NBEAL2: variants seen among roughly 807,000 people sequenced by gnomAD.
The protein encoded by NBEAL2 is neurobeachin like 2.
A neutral mutation model predicts 299.8 loss-of-function variants in NBEAL2; 160 were observed. The ratio of observed to expected loss-of-function variants is 0.53; its 90% CI spans 0.47 to 0.61. NBEAL2 has a LOEUF of 0.61. Ranked by LOEUF, NBEAL2 falls within the 20% of genes least tolerant of loss-of-function variation. The pLI, the probability that NBEAL2 is intolerant of heterozygous loss-of-function variation, is 0.00. For missense variants in NBEAL2, 3,112 were observed against 3,649.0 expected (o/e 0.85, Z 3.79); for synonymous variants, 1,493 against 1,542.3 (o/e 0.97, Z 0.75).
rs771431474 is a variant in NBEAL2 at position 47,007,654 on chromosome 3, A to G, written c.7464A>G (p.Ala2488=). 40 of 1,611,058 alleles carry G rather than the reference A, an allele frequency of 2.5e-5. No homozygotes were observed. Among genetic ancestry groups the G allele is most frequent in the Non-Finnish European group, 3.1e-5 (36 of 1,178,902 alleles). The change falls in exon 48 of 54, where the codon GCA becomes GCG. Residue 2488 remains alanine (A), a synonymous_variant. Coordinates refer to ENST00000450053, the MANE Select transcript of NBEAL2 (RefSeq NM_015175.3). ...GGGATGGCAGCCTGCGGGTGACTGC[A>G]CTACCCCGTGGCAAGCTGTTGAGCC... is the stretch of plus-strand genomic sequence containing the variant. ...GHWDGSLRVT[A]LPRGKLLSQL... is the part of the protein sequence containing the mutation.
chr3:46,997,433 G>C lies in NBEAL2; in HGVS notation c.2824G>C (p.Glu942Gln). 1 of 1,607,656 alleles carries C rather than the reference G, an allele frequency of 6.2e-7. No individual in the cohort carries two copies. The highest frequency in any genetic ancestry group is 1.1e-5 in the South Asian group (1 of 90,980). Reference protein sequence around the residue: ...GLVLPLGKSSEERMERNAVAA... With the variant: ...GLVLPLGKSSQERMERNAVAA... The stretch of plus-strand genomic sequence containing the variant: ...GGTTCTCCCATTGGGTAAATCTTCA[G>C]GTAAGTGTTCCTGGTGCCTATGTTG... The change falls in exon 19 of 54, where the codon GAG (glutamate) becomes CAG (glutamine). Residue 942 changes from glutamate to glutamine, a missense_variant and splice_region_variant. This residue lies in a region of NBEAL2 where 2,243 missense variants were observed against 2,538.1 expected (regional missense o/e 0.88). Coordinates refer to ENST00000450053, the MANE Select transcript of NBEAL2 (RefSeq NM_015175.3).
intron 1 of NBEAL2, chr3:46,987,854 CCT>C (rs1012882611): frequency 1.8e-5 from 5 of 275,702 alleles, no homozygotes; most frequent in African/African-American, 1.1e-4. Context: ...TCGCTTGCAG[CCT>C]CTCTCACTGG....
rs1476678470 is a variant in NBEAL2, at chr3:47,002,362, A to G, written c.5152-9A>G. On this transcript the variant is annotated splice_polypyrimidine_tract_variant and intron_variant, in intron 31 of 53. Transcript: ENST00000450053. ...ATCGAGCACTGTTCTCCTCTGCCCA[A>G]TCCTCCAGGTACAGCCAACCATGTC... is the stretch of plus-strand genomic sequence containing the variant. 4 of 1,613,394 alleles carry G rather than the reference A, an allele frequency of 2.5e-6. No homozygotes were observed. Among genetic ancestry groups the G allele is most frequent in the African/African-American group, 1.3e-5 (1 of 75,056 alleles).
chr3:46,986,133 G>A (rs773730952), intron 1 of NBEAL2, among the ~76,000 whole-genome samples: 13 of 152,102 alleles, frequency 8.5e-5, no homozygotes, highest in Non-Finnish European at 1.5e-4. Flanking sequence ...TGGAGACCTC[G>A]TCATCCCCTT....
chr3:46,994,077 T>C, intron 11 of NBEAL2, 57 bp downstream of exon 11: 2 of 1,510,032 alleles, frequency 1.3e-6, no homozygotes, highest in Non-Finnish European at 1.8e-6. Flanking sequence ...CAACTGACCA[T>C]ATCCCCAGAA....
chr3:46,996,217 C>T (rs1274624517), intron 15 of NBEAL2, 54 bp from the exon 16 acceptor site: 19 of 1,591,878 alleles, frequency 1.2e-5, no homozygotes, highest in Middle Eastern at 3.6e-4. Flanking sequence ...TGGTTGTAGG[C>T]GGAGCCCCAG....
intron 20 of NBEAL2, 31 bp downstream of exon 20, chr3:46,997,725 A>G (rs2036608148): frequency 6.8e-7 from 1 of 1,465,810 alleles, no homozygotes; most frequent in African/African-American, 1.4e-5. Context: ...CATGGGGGTT[A>G]GGGGTATGGT....
chr3:46,979,895 C>G lies in NBEAL2; in HGVS notation c.34C>G (p.Leu12Val). Residue 12 changes from leucine (L) to valine (V), a missense_variant, in exon 1 of 54, where the codon CTG becomes GTG. By Grantham distance (32) the Leu-to-Val change is conservative (BLOSUM62 1). Coordinates refer to ENST00000450053, the MANE Select transcript of NBEAL2 (RefSeq NM_015175.3). Reference sequence around the variant, plus strand: ...CTCGGAGCGGCTGTACGAGTTGTGGCTGCTCTACTACGCGCAGGTGAGCCC... The same window carrying G: ...CTCGGAGCGGCTGTACGAGTTGTGGGTGCTCTACTACGCGCAGGTGAGCCC... ...AASERLYELWLLYYAQKDLGY... is the reference protein window; with the variant it reads ...AASERLYELWVLYYAQKDLGY... The G allele has an allele frequency of 2.2e-6, 1 of 464,068 alleles. No individual in the cohort carries two copies. The allele number at this position is 464,068 out of a possible 1,614,324, so 28.7% of individuals were successfully genotyped here. A position where few individuals can be genotyped will look rare whatever the true frequency, so the allele number is the denominator to read the frequency against.
intron 17 of NBEAL2, 49 bp from the exon 18 acceptor site, chr3:46,996,904 AC>A (rs1283914083): frequency 1.2e-6 from 2 of 1,607,628 alleles, no homozygotes; most frequent in Admixed American, 3.3e-5. Context: ...TCTGCCTGCC[AC>A]CCCCTCCTCC....
Position 46,979,773 on chromosome 3 carries a change from G to GCC in NBEAL2, c.-87_-86dup. 2.8e-6 allele frequency: 1 copy of GCC among 357,744 alleles called. No individual in the cohort carries two copies. The highest frequency in any genetic ancestry group is 5.0e-6 in the Non-Finnish European group (1 of 200,012). The allele number at this position is 357,744 out of a possible 1,614,324, so 22.2% of individuals were successfully genotyped here. A position where few individuals can be genotyped will look rare whatever the true frequency, so the allele number is the denominator to read the frequency against. On this transcript the variant is annotated 5_prime_UTR_variant, in exon 1 of 54. Coordinates refer to ENST00000450053, the MANE Select transcript of NBEAL2 (RefSeq NM_015175.3). ...GCTCCGCCCCGGAGTGACGCCCTCCGCCCATGGGCCTGGCCGAGGGCAACC... is the reference window on the plus strand; with the variant it reads ...GCTCCGCCCCGGAGTGACGCCCTCCGCCCCCATGGGCCTGGCCGAGGGCAACC...
In NBEAL2 at chr3:47,003,714, G is replaced by A. The variant is rs2037204133; in HGVS notation, c.5721-102G>A. On this transcript the variant is annotated intron_variant, in intron 35 of 53. Coordinates refer to ENST00000450053, the MANE Select transcript of NBEAL2 (RefSeq NM_015175.3). The surrounding 1 kb of genome is among the most constrained non-coding windows in gnomAD (Gnocchi z 7.0). ...GCCCCTCCCCATCTCTGGGAGTCAT[G>A]AGAGTATATACCCCATGACTCAATG... 1.1e-5 allele frequency: 15 copies of A among 1,401,312 alleles called. No homozygotes were observed. Among genetic ancestry groups the A allele is most frequent in the Non-Finnish European group, 1.3e-5 (14 of 1,051,292 alleles). 86.8% of individuals were successfully genotyped at this position (1,401,312 alleles called of 1,614,324 possible). A position where few individuals can be genotyped will look rare whatever the true frequency, so the allele number is the denominator to read the frequency against.
chr3:47,006,305 A>G (rs1301657355), intron 44 of NBEAL2, 28 bp from the exon 45 acceptor site: 5 of 1,603,760 alleles, frequency 3.1e-6, no homozygotes, highest in Non-Finnish European at 3.4e-6. Flanking sequence ...TGCCCATGCC[A>G]TGGTGCTGAC....
chr3:47,004,786 C>T lies in NBEAL2; in HGVS notation c.6295-186C>T. 1 of 1,072,248 alleles carries T rather than the reference C, an allele frequency of 9.3e-7. No homozygotes were observed. Among genetic ancestry groups the T allele is most frequent in the Non-Finnish European group, 1.4e-6 (1 of 739,070 alleles). 66.4% of individuals were successfully genotyped at this position (1,072,248 alleles called of 1,614,324 possible). On this transcript the variant is annotated intron_variant, in intron 38 of 53. Transcript: ENST00000450053. The surrounding 1 kb of genome is among the most constrained non-coding windows in gnomAD (Gnocchi z 5.0). ...TCACTCCCTTCCCCTCCCTGCCTAG[C>T]CTCTATTCCTCAAAAGGAATCCTGT...
rs769614532 is a variant in NBEAL2 at position 47,002,012 on chromosome 3, G to T, written c.4875G>T (p.Leu1625=). 2.5e-6 allele frequency: 4 copies of T among 1,590,904 alleles called. No individual in the cohort carries two copies. Residue 1625 remains leucine (L), a synonymous_variant, in exon 31 of 54, where the codon CTG becomes CTT. Coordinates refer to ENST00000450053, the MANE Select transcript of NBEAL2 (RefSeq NM_015175.3). ...REEACYVLSK[L]EAALGRVLNT... ...AGGCCTGCTATGTGCTCTCCAAGCT[G>T]GAGGCTGCACTGGGGCGGGTGCTGA...
Position 46,989,102 on chromosome 3 carries a change from A to C in NBEAL2, c.287A>C (p.Glu96Ala), listed in dbSNP as rs768208022. 7.4e-6 allele frequency: 12 copies of C among 1,613,624 alleles called. No individual in the cohort carries two copies. Among genetic ancestry groups the C allele is most frequent in the Non-Finnish European group, 7.6e-6 (9 of 1,179,812 alleles). ...IILCRNLENI[E>A]AGRGQVLVPR... Reference sequence around the variant, plus strand: ...TCCCCCAGGAACCTGGAGAACATAGAGGCAGGCCGGGGCCAAGTGCTAGTG... The same window carrying C: ...TCCCCCAGGAACCTGGAGAACATAGCGGCAGGCCGGGGCCAAGTGCTAGTG... The change falls in exon 4 of 54, where the codon GAG (glutamate) becomes GCG (alanine). Residue 96 changes from glutamate (E) to alanine (A), a missense_variant. By Grantham distance (107) the Glu-to-Ala change is moderately radical. Transcript: ENST00000450053. The surrounding 1 kb of genome is among the most constrained non-coding windows in gnomAD (Gnocchi z 5.5).
intron 49 of NBEAL2, 52 bp downstream of exon 49, chr3:47,007,962 C>T (rs2037584452): frequency 1.3e-6 from 2 of 1,585,196 alleles, no homozygotes; most frequent in Admixed American, 3.4e-5. Flanking sequence ...ACCTGCAGCC[C>T]ATCCGTCCCT....
intron 17 of NBEAL2, 48 bp from the exon 18 acceptor site, chr3:46,996,906 C>T: frequency 1.2e-6 from 2 of 1,608,782 alleles, no homozygotes; most frequent in Non-Finnish European, 1.7e-6. Flanking sequence ...TGCCTGCCAC[C>T]CCCTCCTCCC....
At chr3:46,990,477 C>A (rs2036003877) in intron 6 of NBEAL2, among the ~76,000 whole-genome samples, 1 of 152,204 alleles carries the variant, frequency 6.6e-6, no homozygotes, top group Non-Finnish European at 1.5e-5. Flanking sequence ...ACCACTGACC[C>A]CACCTCAGGG....
In NBEAL2 at chr3:47,006,009, C is replaced by G. The variant is rs956571690; in HGVS notation, c.6865C>G (p.Arg2289Gly). The change falls in exon 43 of 54, where the codon CGG becomes GGG. Residue 2289 changes from arginine to glycine, a missense_variant. Arg to Gly is a moderately radical substitution (Grantham distance 125). Coordinates refer to ENST00000450053, the MANE Select transcript of NBEAL2 (RefSeq NM_015175.3). ...CGACCTCATCTTTGGCTACAAGCAG[C>G]GGGGGCCAGCCGCCGAGGAGGCCCT... ...WIDLIFGYKQ[R>G]GPAAEEALNV... 1.2e-6 allele frequency: 2 copies of G among 1,613,698 alleles called. No individual in the cohort carries two copies. The highest frequency in any genetic ancestry group is 1.7e-6 in the Non-Finnish European group (2 of 1,179,880).
Sources: allele counts gnomAD v4.1 joint callset (sites outside exome capture counted in the v4.1 genomes callset), GRCh38; gene constraint gnomAD v4.1.1; regional missense constraint gnomAD v4.1.1; non-coding constraint Gnocchi (gnomAD v3.1); transcripts MANE v1.5; gene names NCBI Gene and HGNC (gene_info 2026-07-23, HGNC 2026-07-21).